Variants in KIAA1328 observed in about 807,000 individuals in gnomAD.
KIAA1328 encodes protein hinderin.
A neutral mutation model predicts 68.1 loss-of-function variants in KIAA1328; 52 were observed. The ratio of observed to expected loss-of-function variants is 0.76; its 90% CI spans 0.61 to 0.96. The LOEUF (loss-of-function observed/expected upper bound fraction) is 0.96, where lower values mean the gene tolerates loss of function less well. KIAA1328 is among the 40% of genes least tolerant of loss of function. The probability of loss-of-function intolerance (pLI) is 0.00; values close to 1 mark genes in which losing one functional copy is unlikely to be tolerated. For missense variants in KIAA1328, 641 were observed against 677.6 expected (o/e 0.95, Z 0.60); for synonymous variants, 232 against 239.4 (o/e 0.97, Z 0.28).
intron 2 of KIAA1328, among the ~76,000 whole-genome samples, chr18:36,835,014 T>A (rs1194608454): frequency 6.6e-6 from 1 of 152,108 alleles, no homozygotes; most frequent in African/African-American, 2.4e-5. Context: ...TTTAAAAAAA[T>A]AAATATAAAA....
intron 7 of KIAA1328, among the ~76,000 whole-genome samples, chr18:37,098,142 G>C (rs1290788824): frequency 3.3e-5 from 5 of 152,176 alleles, no homozygotes; most frequent in Admixed American, 6.5e-5. Context: ...GGGCATCCCT[G>C]TCTTGTGCCA....
chr18:36,937,682 A>G (rs942623091), intron 5 of KIAA1328, among the ~76,000 whole-genome samples: 2 of 152,188 alleles, frequency 1.3e-5, no homozygotes, highest in Admixed American at 1.3e-4. Context: ...GTAATATACT[A>G]CATTTACCAT....
In KIAA1328 at chr18:36,829,175, G is replaced by T; in HGVS notation, c.37G>T (p.Ala13Ser). The T allele has an allele frequency of 6.5e-7, 1 of 1,532,476 alleles. No individual in the cohort carries two copies. The highest frequency in any genetic ancestry group is 8.8e-7 in the Non-Finnish European group (1 of 1,142,200). The allele number at this position is 1,532,476 out of a possible 1,614,324, so 94.9% of individuals were successfully genotyped here. ...GGCGGGCCCCTCCCGCCCCAGTGCC[G>T]CGGCGTTCTGGAGCCGGGACTGTAT... ...DVAGPSRPSAAAFWSRDFSDE... is the reference protein window; with the variant it reads ...DVAGPSRPSASAFWSRDFSDE... The change falls in exon 1 of 10, where the codon GCG becomes TCG. Residue 13 changes from alanine to serine, a missense_variant. Transcript: ENST00000280020.
intron 6 of KIAA1328, among the ~76,000 whole-genome samples, chr18:37,028,696 C>A (rs570255438): frequency 6.6e-6 from 1 of 152,044 alleles, no homozygotes; most frequent in South Asian, 2.1e-4. Context: ...GAAGTGTGTT[C>A]CTTCAATGCC....
At chr18:36,990,158 C>T (rs1300221166) in intron 6 of KIAA1328, among the ~76,000 whole-genome samples, 1 of 152,074 alleles carries the variant, frequency 6.6e-6, no homozygotes, top group Non-Finnish European at 1.5e-5. Flanking sequence ...CTGTATGTTT[C>T]TATACAGTGT....
At chr18:37,141,292 T>C (rs961413929) in intron 7 of KIAA1328, among the ~76,000 whole-genome samples, 11 of 152,202 alleles carry the variant, frequency 7.2e-5, no homozygotes, top group African/African-American at 2.2e-4. Flanking sequence ...TAATCTGTTA[T>C]ATATCACTTG....
chr18:36,835,258 G>A lies in KIAA1328; in HGVS notation c.119G>A (p.Arg40Lys). 6.2e-7 allele frequency: 1 copy of A among 1,612,448 alleles called. No individual in the cohort carries two copies. The highest frequency in any genetic ancestry group is 1.1e-5 in the South Asian group (1 of 90,718). ...VPGISAEGNV[R>K]SRHKLMSPKA... The stretch of plus-strand genomic sequence containing the variant: ...GGAATTTCTGCTGAAGGAAATGTCA[G>A]ATCAAGACACAAGCTGATGAGTCCA... Residue 40 changes from arginine (R) to lysine (K), a missense_variant, in exon 3 of 10, where the codon AGA (arginine) becomes AAA (lysine). Transcript: ENST00000280020.
intron 5 of KIAA1328, among the ~76,000 whole-genome samples, chr18:36,900,271 A>T (rs2048994461): frequency 6.6e-6 from 1 of 151,996 alleles, no homozygotes; most frequent in Non-Finnish European, 1.5e-5. Context: ...ATACCCTGAG[A>T]TGATAGTGTT....
At chr18:37,183,684 T>C (rs746696412) in intron 9 of KIAA1328, among the ~76,000 whole-genome samples, 9 of 152,238 alleles carry the variant, frequency 5.9e-5, no homozygotes, top group Non-Finnish European at 1.0e-4. Flanking sequence ...ACTTGACTTA[T>C]CAATTTAAAC....
At chr18:37,122,096 A>G (rs1277010909) in intron 7 of KIAA1328, among the ~76,000 whole-genome samples, 3 of 152,148 alleles carry the variant, frequency 2.0e-5, no homozygotes, top group Non-Finnish European at 4.4e-5. Context: ...AATAATAGCA[A>G]TATTTCAAGA....
intron 7 of KIAA1328, among the ~76,000 whole-genome samples, chr18:37,114,111 G>T (rs962457090): frequency 4.6e-5 from 7 of 152,104 alleles, no homozygotes; most frequent in Admixed American, 4.6e-4. Flanking sequence ...GAGACAGAAA[G>T]TTAACGAGGA....
intron 9 of KIAA1328, among the ~76,000 whole-genome samples, chr18:37,217,879 T>C (rs1480910987): frequency 6.6e-6 from 1 of 152,230 alleles, no homozygotes; most frequent in East Asian, 1.9e-4. Flanking sequence ...TTTTACTCTT[T>C]TTTCTCTAAA....
In KIAA1328 at chr18:37,052,055, C is replaced by A. The variant is rs528917280; in HGVS notation, c.577-14835C>A. On this transcript the variant is annotated intron_variant, in intron 6 of 9. Transcript: ENST00000280020. ...AGACTACGTCTCAAAAAAAAAAAAA[C>A]TACAGGCCAGTATCCCTGATTAACA... is the stretch of plus-strand genomic sequence containing the variant. 9.9e-3 allele frequency among the ~76,000 whole-genome samples: 1,490 copies of A among 150,238 alleles called. 30 individuals carry two copies. The highest frequency in any genetic ancestry group is 0.034 in the African/African-American group (1,389 of 40,858).
chr18:37,219,690 A>G (rs1315199744), intron 9 of KIAA1328, among the ~76,000 whole-genome samples: 1 of 152,174 alleles, frequency 6.6e-6, no homozygotes, highest in Non-Finnish European at 1.5e-5. Flanking sequence ...GGAAAAGCGC[A>G]GTGTTTGGGT....
chr18:37,197,441 C>T (rs1194177954), intron 9 of KIAA1328, among the ~76,000 whole-genome samples: 1 of 152,008 alleles, frequency 6.6e-6, no homozygotes, highest in Non-Finnish European at 1.5e-5. Context: ...AAAATCCAAT[C>T]CTGTTGCCAC....
intron 5 of KIAA1328, among the ~76,000 whole-genome samples, chr18:36,938,692 C>A (rs1347579556): frequency 1.3e-5 from 2 of 152,094 alleles, no homozygotes; most frequent in Non-Finnish European, 2.9e-5. Flanking sequence ...TCTATGTTTT[C>A]TTCTAGTAGT....
chr18:37,142,008 A>AT (rs2058776085), intron 7 of KIAA1328, among the ~76,000 whole-genome samples: 1 of 152,168 alleles, frequency 6.6e-6, no homozygotes. Context: ...TTAACTTGTT[A>AT]TGTCTTTAAT....
intron 6 of KIAA1328, among the ~76,000 whole-genome samples, chr18:37,045,834 A>G (rs2055447062): frequency 6.6e-6 from 1 of 152,220 alleles, no homozygotes; most frequent in African/African-American, 2.4e-5. Context: ...AAAGAATAGC[A>G]TGGTATGACT....
At chr18:37,113,957 A>G (rs1046094923) in intron 7 of KIAA1328, among the ~76,000 whole-genome samples, 4 of 152,228 alleles carry the variant, frequency 2.6e-5, no homozygotes, top group African/African-American at 9.6e-5. Flanking sequence ...AAGAAGAGCC[A>G]ACCATCCTAA....
Sources: gnomAD v4.1 joint callset for allele counts (sites outside exome capture counted in the v4.1 genomes callset) on GRCh38, gnomAD v4.1.1 for gene constraint, MANE v1.5 for transcripts, NCBI Gene and HGNC (gene_info 2026-07-23, HGNC 2026-07-21) for gene names.